Variants in RHD observed in about 807,000 individuals in gnomAD.
RHD encodes the protein blood group Rh(D) polypeptide.
A neutral mutation model predicts 45.5 loss-of-function variants in RHD; 16 were observed. The observed-to-expected ratio is 0.35, with a 90% CI of 0.24 to 0.53. The LOEUF (loss-of-function observed/expected upper bound fraction) is 0.53. RHD is among the 20% of genes least tolerant of loss of function. The probability of loss-of-function intolerance (pLI) is 0.92; values close to 1 mark genes in which losing one functional copy is unlikely to be tolerated. For missense variants in RHD, 306 were observed against 532.0 expected, an observed-to-expected ratio of 0.58 and a Z score of 4.18; for synonymous variants, 131 against 217.5, an observed-to-expected ratio of 0.60 and a Z score of 3.50.
intron 1 of RHD, among the ~76,000 whole-genome samples, chr1:25,274,889 C>A (rs188928435): frequency 7.6e-6 from 1 of 130,884 alleles, no homozygotes; most frequent in East Asian, 2.0e-4. Context: ...CGTCTATAAT[C>A]CGAGCTACTT....
chr1:25,286,737 G>C lies in RHD; in HGVS notation c.335+1978G>C, dbSNP rs1642043377. ...GGAGGCGGAGTTTGCAGTGAACCGAGATGGTGCCACTGCACTCCAGCCTGG... is the reference window on the plus strand; with the variant it reads ...GGAGGCGGAGTTTGCAGTGAACCGACATGGTGCCACTGCACTCCAGCCTGG... On this transcript the variant is annotated intron_variant, in intron 2 of 9. Coordinates refer to ENST00000328664, the MANE Select transcript of RHD (RefSeq NM_016124.6). Among the ~76,000 whole-genome samples, 2 of 132,820 alleles carry C rather than the reference G, an allele frequency of 1.5e-5. 1 individual carries two copies. The highest frequency in any genetic ancestry group is 3.5e-5 in the Non-Finnish European group (2 of 56,520). 87.1% of individuals were successfully genotyped at this position (132,820 alleles called of 152,430 possible).
At position 25,312,809 on chromosome 1, in the gene RHD, A is replaced by G. The variant is rs1209482110; in HGVS notation, c.1074-4191A>G. On this transcript the variant is annotated intron_variant, in intron 7 of 9. Transcript: ENST00000328664. ...GTGGCACACATCTGTAGTCCTAGCT[A>G]CTCAGGAGGCTGAGACAGGAGGATT... Among the ~76,000 whole-genome samples, 2 of 118,692 alleles carry G rather than the reference A, an allele frequency of 1.7e-5. 1 individual carries two copies. Among genetic ancestry groups the G allele is most frequent in the Non-Finnish European group, 4.0e-5 (2 of 50,044 alleles). 77.9% of individuals were successfully genotyped at this position (118,692 alleles called of 152,430 possible). A position where few individuals can be genotyped will look rare whatever the true frequency, so the allele number is the denominator to read the frequency against.
chr1:25,309,841 C>G (rs1644047333), intron 7 of RHD, among the ~76,000 whole-genome samples: 1 of 132,636 alleles, frequency 7.5e-6, no homozygotes, highest in African/African-American at 2.6e-5. Context: ...CAGGGGAGAC[C>G]CTGTGCAGGG....
At chr1:25,277,115 T>C (rs1275959754) in intron 1 of RHD, among the ~76,000 whole-genome samples, 2 of 132,788 alleles carry the variant, frequency 1.5e-5, no homozygotes, top group African/African-American at 5.1e-5. Flanking sequence ...CTGCCATTAG[T>C]TGCAATATGA....
chr1:25,284,811 G>T (rs551101938), intron 2 of RHD, 52 bp downstream of exon 2: 1 of 1,336,442 alleles, frequency 7.5e-7, no homozygotes, highest in African/African-American at 1.4e-5. Context: ...AATGGACCCC[G>T]AAAGGACAGG....
intron 2 of RHD, among the ~76,000 whole-genome samples, chr1:25,288,174 C>T (rs1295497708): frequency 7.6e-6 from 1 of 131,390 alleles, no homozygotes. Context: ...CACACCACCA[C>T]GCCTAGCTGA....
rs41267487 is a variant in RHD at position 25,290,633 on chromosome 1, T to A, written c.336-8T>A. 2.8e-5 allele frequency: 38 copies of A among 1,374,388 alleles called. 9 individuals carry two copies. The highest frequency in any genetic ancestry group is 9.0e-5 in the East Asian group (4 of 44,664). 85.1% of individuals were successfully genotyped at this position (1,374,388 alleles called of 1,614,324 possible). ...CTCAGTCGTCCTGGCTCTCCCTCTC[T>A]CCCCCAGTATTCGGCTGGCCACCAT... On this transcript the variant is annotated splice_polypyrimidine_tract_variant and splice_region_variant and intron_variant, in intron 2 of 9. Transcript: ENST00000328664.
At chr1:25,289,701 G>A (rs1642326329) in intron 2 of RHD, among the ~76,000 whole-genome samples, 1 of 126,346 alleles carries the variant, frequency 7.9e-6, no homozygotes, top group African/African-American at 2.7e-5. Flanking sequence ...CCTCCAGGAA[G>A]TCCTCCCTGA....
chr1:25,303,511 C>T lies in RHD; in HGVS notation c.939+52C>T, dbSNP rs777557977. ...CTGCTTTGGCTGAAGGCCAGCAGGA[C>T]GCTGGGACCTGATGGGCCACTGTGC... On this transcript the variant is annotated intron_variant, in intron 6 of 9. Transcript: ENST00000328664. 31 of 1,362,862 alleles carry T rather than the reference C, an allele frequency of 2.3e-5. 7 individuals are homozygous for T. The highest frequency in any genetic ancestry group is 1.1e-4 in the South Asian group (9 of 84,390). 84.4% of individuals were successfully genotyped at this position (1,362,862 alleles called of 1,614,324 possible).
At chr1:25,274,024 T>G (rs971665831) in intron 1 of RHD, among the ~76,000 whole-genome samples, 3 of 132,638 alleles carry the variant, frequency 2.3e-5, no homozygotes, top group African/African-American at 7.7e-5. Flanking sequence ...CTAATTCATT[T>G]CAATCCAATA....
intron 1 of RHD, among the ~76,000 whole-genome samples, chr1:25,282,671 T>G (rs1557518464): frequency 7.6e-6 from 1 of 132,004 alleles, no homozygotes; most frequent in African/African-American, 2.6e-5. Flanking sequence ...ATGCCTGTAA[T>G]CCCAGCACTT....
rs1271757711 is a variant in RHD at position 25,315,500 on chromosome 1, T to G, written c.1074-1500T>G. Among the ~76,000 whole-genome samples, 2 of 121,732 alleles carry G rather than the reference T, an allele frequency of 1.6e-5. 1 individual carries two copies. The highest frequency in any genetic ancestry group is 6.1e-5 in the African/African-American group (2 of 32,878). 79.9% of individuals were successfully genotyped at this position (121,732 alleles called of 152,430 possible). ...TTAATTTATTTTTCTTTTCTTTCTT[T>G]CTTTTTTTTTTTTTGAGATGGAGTC... On this transcript the variant is annotated intron_variant, in intron 7 of 9. Transcript: ENST00000328664.
Position 25,272,652 on chromosome 1 carries a change from C to T in RHD, c.105C>T (p.Asp35=), listed in dbSNP as rs186534432. 3.6e-5 allele frequency: 57 copies of T among 1,567,822 alleles called. 2 individuals carry two copies. The highest frequency in any genetic ancestry group is 2.0e-4 in the East Asian group (9 of 44,752). ...TCTTCTATTTTTTTACCCACTATGA[C>T]GCTTCCTTAGAGGATCAAAAGGGGC... ...ILLFYFFTHY[D]ASLEDQKGLV... The change falls in exon 1 of 10, where the codon GAC becomes GAT. Residue 35 remains aspartate (D), a synonymous_variant. Transcript: ENST00000328664.
chr1:25,288,453 T>G (rs1477115821), intron 2 of RHD, among the ~76,000 whole-genome samples: 1 of 128,488 alleles, frequency 7.8e-6, no homozygotes, highest in Non-Finnish European at 1.8e-5. Flanking sequence ...GTGCGAAGAT[T>G]ACAGGTGTGA....
chr1:25,322,134 G>A (rs557986372), intron 9 of RHD, among the ~76,000 whole-genome samples, 172 bp downstream of exon 9: 1 of 131,626 alleles, frequency 7.6e-6, no homozygotes, highest in East Asian at 2.0e-4. Flanking sequence ...ATGTGTGTGG[G>A]GGAGGGTGGC....
rs1643211817 is a variant in RHD at position 25,299,456 on chromosome 1, T to G, written c.487-1490T>G. ...TTGGCTTTAGAATTCTTAGACACCC[T>G]CTACAGACAAGGCACCCCGATTGCT... On this transcript the variant is annotated intron_variant, in intron 3 of 9. Transcript: ENST00000328664. Among the ~76,000 whole-genome samples the G allele has an allele frequency of 1.5e-5, 2 of 130,750 alleles. 1 individual carries two copies. Among genetic ancestry groups the G allele is most frequent in the Non-Finnish European group, 3.6e-5 (2 of 55,410 alleles). The allele number at this position is 130,750 out of a possible 152,430, so 85.8% of individuals were successfully genotyped here.
chr1:25,298,040 A>G (rs912815697), intron 3 of RHD, among the ~76,000 whole-genome samples: 1 of 123,386 alleles, frequency 8.1e-6, no homozygotes, highest in African/African-American at 2.7e-5. Context: ...CCACCCACCC[A>G]TCCACCTCCA....
intron 7 of RHD, among the ~76,000 whole-genome samples, chr1:25,316,618 G>GAAA (rs1171433774): frequency 4.9e-5 from 2 of 40,632 alleles, no homozygotes; most frequent in Admixed American, 2.9e-4. Flanking sequence ...AACAAAAACA[G>GAAA]AAAAAAAAAA....
Position 25,306,515 on chromosome 1 carries a change from G to A in RHD, c.940-81G>A, listed in dbSNP as rs892362715. 9.4e-6 allele frequency: 12 copies of A among 1,272,964 alleles called. 1 individual carries two copies. The African/African-American group carries it at 1.5e-4, about 15-fold the overall frequency. 78.9% of individuals were successfully genotyped at this position (1,272,964 alleles called of 1,614,324 possible). A position where few individuals can be genotyped will look rare whatever the true frequency, so the allele number is the denominator to read the frequency against. Reference sequence around the variant, plus strand: ...TGCCCATCCCCCTTTGGTGGCCCCGGATACCAAGGGTGTGTGAAAGGGGTG... The same window carrying A: ...TGCCCATCCCCCTTTGGTGGCCCCGAATACCAAGGGTGTGTGAAAGGGGTG... On this transcript the variant is annotated intron_variant, in intron 6 of 9. Coordinates refer to ENST00000328664, the MANE Select transcript of RHD (RefSeq NM_016124.6).
Sources: allele counts gnomAD v4.1 joint callset (sites outside exome capture counted in the v4.1 genomes callset), GRCh38; gene constraint gnomAD v4.1.1; transcripts MANE v1.5; gene names NCBI Gene and HGNC (gene_info 2026-07-23, HGNC 2026-07-21).